EEF1AKMT1: variants seen among roughly 807,000 people sequenced by gnomAD.
EEF1AKMT1 encodes the protein EEF1A lysine methyltransferase 1.
A neutral mutation model predicts 21.0 loss-of-function variants in EEF1AKMT1; 18 were observed. The ratio of observed to expected loss-of-function variants is 0.86; its 90% CI spans 0.59 to 1.27. The LOEUF (loss-of-function observed/expected upper bound fraction) is 1.27. Ranked by LOEUF, EEF1AKMT1 falls within the 50% of genes most tolerant of loss-of-function variation. The probability of loss-of-function intolerance (pLI) is 0.00; values close to 1 mark genes in which losing one functional copy is unlikely to be tolerated. For synonymous variants in EEF1AKMT1, 109 were observed against 94.8 expected (o/e 1.15, Z -0.87); for missense variants, 246 against 258.6 (o/e 0.95, Z 0.33).
At chr13:20,748,726 G>GTTTTTTTTTT (rs750094631) in intron 2 of EEF1AKMT1, among the ~76,000 whole-genome samples, 16 of 72,608 alleles carry the variant, frequency 2.2e-4, no homozygotes, top group African/African-American at 5.7e-4. Flanking sequence ...TTTTTTTTTG[G>GTTTTTTTTTT]TTTTTTTTTT....
At chr13:20,743,167 A>C (rs1177608974) in intron 2 of EEF1AKMT1, among the ~76,000 whole-genome samples, 1 of 152,112 alleles carries the variant, frequency 6.6e-6, no homozygotes, top group East Asian at 1.9e-4. Flanking sequence ...CCGAAATTGA[A>C]GCGATTCTCC....
chr13:20,760,966 G>A (rs148233970), intron 1 of EEF1AKMT1, among the ~76,000 whole-genome samples: 2 of 152,146 alleles, frequency 1.3e-5, no homozygotes, highest in Non-Finnish European at 2.9e-5. Context: ...AAATAATGAA[G>A]GTCCATCCCA....
At chr13:20,750,685 T>A (rs1030879555) in intron 2 of EEF1AKMT1, among the ~76,000 whole-genome samples, 1 of 152,194 alleles carries the variant, frequency 6.6e-6, no homozygotes, top group Non-Finnish European at 1.5e-5. Flanking sequence ...TAATTTCTTT[T>A]CCTTTGAATA....
In EEF1AKMT1 at chr13:20,753,189, C is replaced by A. The variant is rs534396816; in HGVS notation, c.144+4266G>T. ...TTTGGACTTCCTCTTTAATTTCATC[C>A]CTGACCTAATGATCATTCAGGAGCA... On this transcript the variant is annotated intron_variant, in intron 2 of 4. Coordinates refer to ENST00000382758, the MANE Select transcript of EEF1AKMT1 (RefSeq NM_001318939.2). Among the ~76,000 whole-genome samples the A allele has an allele frequency of 5.3e-5, 8 of 152,162 alleles. No homozygotes were observed. The South Asian group carries it at 1.7e-3, about 32-fold the overall frequency.
rs566085005 is a variant in EEF1AKMT1, at chr13:20,765,902, C to A, written c.-20+8019G>T. On this transcript the variant is annotated intron_variant, in intron 1 of 4. Coordinates refer to ENST00000382758, the MANE Select transcript of EEF1AKMT1 (RefSeq NM_001318939.2). Reference sequence around the variant, plus strand: ...TATTCAACCTTGTCATGAGGGAATGCAAATTATAATCATAATGAGATACCA... The same window carrying A: ...TATTCAACCTTGTCATGAGGGAATGAAAATTATAATCATAATGAGATACCA... Among the ~76,000 whole-genome samples the A allele has an allele frequency of 2.0e-5, 3 of 151,938 alleles. 1 individual carries two copies. The highest frequency in any genetic ancestry group is 4.8e-5 in the African/African-American group (2 of 41,420).
chr13:20,772,366 T>C (rs941370054), intron 1 of EEF1AKMT1, among the ~76,000 whole-genome samples: 6 of 152,194 alleles, frequency 3.9e-5, no homozygotes, highest in Non-Finnish European at 8.8e-5. Context: ...AGGAGCCCTT[T>C]TGTCGCTAAG....
chr13:20,760,104 C>CAAAAAAAAAAAAAAAAAAAAAAA, intron 1 of EEF1AKMT1, among the ~76,000 whole-genome samples: 1 of 56,224 alleles, frequency 1.8e-5, no homozygotes, highest in Non-Finnish European at 2.8e-5. Flanking sequence ...GACTCTGTCT[C>CAAAAAAAAAAAAAAAAAAAAAAA]AAAAAAAAAA....
At chr13:20,742,478 T>TG (rs1431020561) in intron 2 of EEF1AKMT1, among the ~76,000 whole-genome samples, 1 of 152,194 alleles carries the variant, frequency 6.6e-6, no homozygotes, top group African/African-American at 2.4e-5. Flanking sequence ...ATTCCTGTGA[T>TG]GGGGCAAGAT....
intron 1 of EEF1AKMT1, among the ~76,000 whole-genome samples, chr13:20,770,315 T>A (rs905522128): frequency 6.6e-6 from 1 of 151,400 alleles, no homozygotes; most frequent in African/African-American, 2.4e-5. Flanking sequence ...GAGGGGAGAA[T>A]AGGGTTTAAT....
intron 1 of EEF1AKMT1, among the ~76,000 whole-genome samples, chr13:20,772,834 A>T (rs1566541774): frequency 6.6e-6 from 1 of 152,164 alleles, no homozygotes; most frequent in African/African-American, 2.4e-5. Context: ...TTTCCATGTT[A>T]TCAAATTTAC....
chr13:20,738,634 GA>G (rs1374367746), intron 2 of EEF1AKMT1, among the ~76,000 whole-genome samples: 1 of 152,160 alleles, frequency 6.6e-6, no homozygotes, highest in Non-Finnish European at 1.5e-5. Flanking sequence ...CCCCTACAAT[GA>G]AATATTATTT....
chr13:20,747,328 A>G lies in EEF1AKMT1; in HGVS notation c.145-9523T>C, dbSNP rs1566532809. 3 of 244,464 alleles carry G rather than the reference A, an allele frequency of 1.2e-5. No homozygotes were observed. In the East Asian group the frequency reaches 2.7e-4, roughly 22 times the overall value. The allele number at this position is 244,464 out of a possible 1,614,324, so 15.1% of individuals were successfully genotyped here. On this transcript the variant is annotated intron_variant, in intron 2 of 4. Transcript: ENST00000382758. ...TTTTGGCAGAAATGTCATAGTACTG[A>G]AGATTCTTCTTTTGGTGGAAGAGAA...
intron 3 of EEF1AKMT1, 24 bp from the exon 4 acceptor site, chr13:20,732,145 A>G (rs1423919415): frequency 1.6e-5 from 25 of 1,588,692 alleles, no homozygotes; most frequent in Non-Finnish European, 1.9e-5. Context: ...TGAACACACC[A>G]TGAAACATCC....
chr13:20,731,976 C>T lies in EEF1AKMT1; in HGVS notation c.373G>A (p.Asp125Asn), dbSNP rs2058799791. 6.2e-7 allele frequency: 1 copy of T among 1,614,076 alleles called. No individual in the cohort carries two copies. The highest frequency in any genetic ancestry group is 1.3e-5 in the African/African-American group (1 of 74,912). Residue 125 changes from aspartate to asparagine, a missense_variant, in exon 4 of 5, where the codon GAC (aspartate) becomes AAC (asparagine). Asp to Asn is a conservative substitution (Grantham distance 23). Transcript: ENST00000382758. ...TGTGCAGCAATTCTTTCGGGTAAGT[C>T]CAATGGATTATTGTAATCATAGAAA... ...FIFYDYNNPL[D>N]LPERIAAHSF...
chr13:20,754,873 G>C (rs2058963632), intron 2 of EEF1AKMT1, among the ~76,000 whole-genome samples: 1 of 151,770 alleles, frequency 6.6e-6, no homozygotes, highest in Non-Finnish European at 1.5e-5. Context: ...CTGGGTGACA[G>C]AGTGGGACTC....
At chr13:20,737,384 C>A (rs770104019) in intron 3 of EEF1AKMT1, among the ~76,000 whole-genome samples, 1 of 152,046 alleles carries the variant, frequency 6.6e-6, no homozygotes, top group Non-Finnish European at 1.5e-5. Flanking sequence ...TAAATACATA[C>A]ATACATATAT....
chr13:20,739,991 G>A lies in EEF1AKMT1; in HGVS notation c.145-2186C>T, dbSNP rs144712903. Among the ~76,000 whole-genome samples, 154 of 152,372 alleles carry A rather than the reference G, an allele frequency of 1.0e-3. No individual in the cohort carries two copies. The Middle Eastern group carries it at 0.01, about 10-fold the overall frequency. On this transcript the variant is annotated intron_variant, in intron 2 of 4. Transcript: ENST00000382758. ...GCCCCGCAGAGAAGGGGCGGCACCCGTCAGGGAGGCTCAGGCTGCGCGGGA... is the reference window on the plus strand; with the variant it reads ...GCCCCGCAGAGAAGGGGCGGCACCCATCAGGGAGGCTCAGGCTGCGCGGGA...
At chr13:20,733,703 A>T (rs1412488567) in intron 3 of EEF1AKMT1, among the ~76,000 whole-genome samples, 2 of 152,200 alleles carry the variant, frequency 1.3e-5, no homozygotes, top group East Asian at 3.9e-4. Flanking sequence ...AGAGACAGTG[A>T]CCATGACTGC....
intron 1 of EEF1AKMT1, among the ~76,000 whole-genome samples, chr13:20,759,698 C>T (rs1595027612): frequency 1.3e-5 from 2 of 151,356 alleles, no homozygotes; most frequent in South Asian, 4.2e-4. Context: ...AGAAGGCATA[C>T]AAGTGGCCAA....
Sources: allele counts gnomAD v4.1 joint callset (sites outside exome capture counted in the v4.1 genomes callset), GRCh38; gene constraint gnomAD v4.1.1; transcripts MANE v1.5; gene names NCBI Gene and HGNC (gene_info 2026-07-23, HGNC 2026-07-21).